Variants in UBOX5 observed in about 807,000 individuals in gnomAD.
UBOX5 encodes the protein RING finger protein 37.
A neutral mutation model predicts 39.0 loss-of-function variants in UBOX5; 28 were observed. That is an observed-to-expected ratio of 0.72 (90% CI 0.53 to 0.98). The LOEUF (loss-of-function observed/expected upper bound fraction) is 0.98. Ranked by LOEUF, UBOX5 falls within the 50% of genes least tolerant of loss-of-function variation. UBOX5 has a pLI of 0.00. For missense variants in UBOX5, 585 were observed against 674.4 expected, an observed-to-expected ratio of 0.87 and a Z score of 1.47; for synonymous variants, 283 against 275.5, an observed-to-expected ratio of 1.03 and a Z score of -0.27.
chr20:3,121,478 TGTGGCAGAA>T lies in UBOX5; in HGVS notation c.1152_1160del (p.Phe384_Thr387delinsLeu). 1 of 1,614,050 alleles carries T rather than the reference TGTGGCAGAA, an allele frequency of 6.2e-7. No homozygotes were observed. The highest frequency in any genetic ancestry group is 8.5e-7 in the Non-Finnish European group (1 of 1,180,020). On this transcript the variant is annotated inframe_deletion, in exon 3 of 5. Coordinates refer to ENST00000217173, the MANE Select transcript of UBOX5 (RefSeq NM_014948.4). ...AGGTAGTGGGTAAGACCAAAGGGCT[TGTGGCAGAA>T]AAACAGGAAGCATTTACACCAAAGT...
At chr20:3,115,737 G>C (rs1439448310) in intron 3 of UBOX5, among the ~76,000 whole-genome samples, 1 of 148,536 alleles carries the variant, frequency 6.7e-6, no homozygotes, top group Non-Finnish European at 1.5e-5. Context: ...TGGCTCAACT[G>C]CAGAACTGCA....
At position 3,109,742 on chromosome 20, in the gene UBOX5, C is replaced by T. The variant is rs917292599; in HGVS notation, c.*364G>A. Reference sequence around the variant, plus strand: ...GCAGAGACTCCTGAGATCTGGGCCACAATCTAGGGTGAGCCACCCACAGTG... The same window carrying T: ...GCAGAGACTCCTGAGATCTGGGCCATAATCTAGGGTGAGCCACCCACAGTG... On this transcript the variant is annotated 3_prime_UTR_variant, in exon 5 of 5. Coordinates refer to ENST00000217173, the MANE Select transcript of UBOX5 (RefSeq NM_014948.4). The T allele has an allele frequency of 1.4e-5, 4 of 291,284 alleles. No individual in the cohort carries two copies. Among genetic ancestry groups the T allele is most frequent in the Non-Finnish European group, 2.7e-5 (4 of 149,492 alleles). The allele number at this position is 291,284 out of a possible 1,614,324, so 18.0% of individuals were successfully genotyped here.
At chr20:3,147,419 T>C in intron 1 of UBOX5, 1 of 1,614,202 alleles carries the variant, frequency 6.2e-7, no homozygotes, top group Non-Finnish European at 8.5e-7. Flanking sequence ...ATTCATATCC[T>C]TCTCTGCTAA....
intron 1 of UBOX5, among the ~76,000 whole-genome samples, chr20:3,128,688 C>G (rs540447322): frequency 6.6e-6 from 1 of 152,028 alleles, no homozygotes; most frequent in Non-Finnish European, 1.5e-5. Context: ...ACAGCAAGAC[C>G]CCGTCTCTAC....
At position 3,121,398 on chromosome 20, in the gene UBOX5, A is replaced by G. The variant is rs2066334263; in HGVS notation, c.1241T>C (p.Met414Thr). ...TGCTGAATTACCTGTCGAGCAGTCC[A>G]TATGTGTCAGGCTGGGCTCATTGGT... Reference protein sequence around the residue: ...KATNEPSLTHMDCSTGPLSHE... With the variant: ...KATNEPSLTHTDCSTGPLSHE... Residue 414 changes from methionine to threonine, a missense_variant, in exon 3 of 5, where the codon ATG (methionine) becomes ACG (threonine). Physicochemically the swap from Met to Thr is moderately conservative, Grantham distance 81. Transcript: ENST00000217173. The G allele has an allele frequency of 5.0e-6, 8 of 1,612,530 alleles. No homozygotes were observed. The highest frequency in any genetic ancestry group is 2.2e-5 in the South Asian group (2 of 90,810).
chr20:3,111,273 C>G (rs2066251869), intron 4 of UBOX5, among the ~76,000 whole-genome samples: 1 of 152,178 alleles, frequency 6.6e-6, no homozygotes, highest in Non-Finnish European at 1.5e-5. Flanking sequence ...CCCAAAGGAA[C>G]CTCAAACCAA....
intron 1 of UBOX5, chr20:3,147,298 C>T (rs2066575123): frequency 6.2e-7 from 1 of 1,614,188 alleles, no homozygotes; most frequent in Non-Finnish European, 8.5e-7. Context: ...CAAGCTGGAC[C>T]TCTAAGTCAG....
At chr20:3,139,407 A>G (rs2066497625) in intron 1 of UBOX5, among the ~76,000 whole-genome samples, 1 of 152,012 alleles carries the variant, frequency 6.6e-6, no homozygotes, top group Admixed American at 6.6e-5. Context: ...TTATTTATTG[A>G]GACAAGAGTT....
Position 3,121,808 on chromosome 20 carries a change from C to T in UBOX5, c.831G>A (p.Leu277=), listed in dbSNP as rs1242598787. The T allele has an allele frequency of 6.2e-7, 1 of 1,614,156 alleles. No individual in the cohort carries two copies. The highest frequency in any genetic ancestry group is 2.2e-5 in the East Asian group (1 of 44,856). The change falls in exon 3 of 5, where the codon CTG becomes CTA. Residue 277 remains leucine, a synonymous_variant. Coordinates refer to ENST00000217173, the MANE Select transcript of UBOX5 (RefSeq NM_014948.4). Reference sequence around the variant, plus strand: ...GGTCGATGACCTTGCCTGAGGGCAGCAGCATGGGACAAGGCATGATCTCCA... The same window carrying T: ...GGTCGATGACCTTGCCTGAGGGCAGTAGCATGGGACAAGGCATGATCTCCA... ...ITLEIMPCPM[L]LPSGKVIDQS...
intron 3 of UBOX5, among the ~76,000 whole-genome samples, chr20:3,118,305 T>G (rs1313853880): frequency 1.3e-5 from 2 of 151,984 alleles, no homozygotes; most frequent in Non-Finnish European, 2.9e-5. Context: ...AAACCCAGTC[T>G]ATACTAAAAA....
chr20:3,125,927 G>A (rs1401322045), intron 1 of UBOX5, among the ~76,000 whole-genome samples: 1 of 152,214 alleles, frequency 6.6e-6, no homozygotes. Context: ...CCCCGTCTGG[G>A]AAGTGAGGAG....
At chr20:3,111,172 T>A (rs1413865704) in intron 4 of UBOX5, among the ~76,000 whole-genome samples, 1 of 152,224 alleles carries the variant, frequency 6.6e-6, no homozygotes, top group Non-Finnish European at 1.5e-5. Flanking sequence ...CTTCCTTTCC[T>A]CATGGCCCCT....
chr20:3,121,505 A>G lies in UBOX5; in HGVS notation c.1134T>C (p.Gly378=). 1 of 1,614,016 alleles carries G rather than the reference A, an allele frequency of 6.2e-7. No individual in the cohort carries two copies. Among genetic ancestry groups the G allele is most frequent in the East Asian group, 2.2e-5 (1 of 44,848 alleles). The change falls in exon 3 of 5, where the codon GGT becomes GGC. Residue 378 remains glycine (G), a synonymous_variant. Coordinates refer to ENST00000217173, the MANE Select transcript of UBOX5 (RefSeq NM_014948.4). ...QAEHVPDSNF[G]VNASCFSATS... is the part of the protein sequence containing the mutation. ...TGGCAGAAAAACAGGAAGCATTTACACCAAAGTTACTGTCTGGGACATGTT... is the reference window on the plus strand; with the variant it reads ...TGGCAGAAAAACAGGAAGCATTTACGCCAAAGTTACTGTCTGGGACATGTT...
At chr20:3,147,220 C>G (rs1310059968) in intron 1 of UBOX5, 3 of 1,614,078 alleles carry the variant, frequency 1.9e-6, no homozygotes, top group Admixed American at 1.7e-5. Flanking sequence ...CATGCTCAAG[C>G]CTTAATTTGG....
At position 3,121,507 on chromosome 20, in the gene UBOX5, C is replaced by T. The variant is rs755803808; in HGVS notation, c.1132G>A (p.Gly378Ser). ...QAEHVPDSNFGVNASCFSATS... is the reference protein window; with the variant it reads ...QAEHVPDSNFSVNASCFSATS... ...GCAGAAAAACAGGAAGCATTTACACCAAAGTTACTGTCTGGGACATGTTCA... is the reference window on the plus strand; with the variant it reads ...GCAGAAAAACAGGAAGCATTTACACTAAAGTTACTGTCTGGGACATGTTCA... Residue 378 changes from glycine (G) to serine (S), a missense_variant, in exon 3 of 5, where the codon GGT (glycine) becomes AGT (serine). Physicochemically the swap from Gly to Ser is moderately conservative, Grantham distance 56. Coordinates refer to ENST00000217173, the MANE Select transcript of UBOX5 (RefSeq NM_014948.4). 5 of 1,613,908 alleles carry T rather than the reference C, an allele frequency of 3.1e-6. No homozygotes were observed. The highest frequency in any genetic ancestry group is 2.2e-5 in the East Asian group (1 of 44,850).
chr20:3,135,933 T>C (rs2148608587), intron 1 of UBOX5: 1 of 152,260 alleles, frequency 6.6e-6, no homozygotes, highest in African/African-American at 2.4e-5. Flanking sequence ...TCCCAACACT[T>C]TGGGAGGCTG....
chr20:3,121,930 C>T lies in UBOX5; in HGVS notation c.709G>A (p.Gly237Arg). The stretch of plus-strand genomic sequence containing the variant: ...GCCTGCTGGCTCTCAGGCTGGTCCC[C>T]AGGGTCACAGTCACTTTCCATGGGC... ...ALPMESDCDP[G>R]DQPESQQAPS... The change falls in exon 3 of 5, where the codon GGG becomes AGG. Residue 237 changes from glycine to arginine, a missense_variant. By Grantham distance (125) the Gly-to-Arg change is moderately radical (BLOSUM62 -2). Coordinates refer to ENST00000217173, the MANE Select transcript of UBOX5 (RefSeq NM_014948.4). The T allele has an allele frequency of 6.2e-7, 1 of 1,613,862 alleles. No homozygotes were observed. The highest frequency in any genetic ancestry group is 8.5e-7 in the Non-Finnish European group (1 of 1,180,030).
In UBOX5 at chr20:3,136,644, T is replaced by C. The variant is rs143540706; in HGVS notation, c.-41-13238A>G. 1.5e-4 allele frequency among the ~76,000 whole-genome samples: 22 copies of C among 150,254 alleles called. No homozygotes were observed. The East Asian group carries it at 3.2e-3, about 22-fold the overall frequency. ...TGCTGGGATTACAGGCGTGAGCCAC[T>C]GTGCCCGGCCTTAATATTACTATTA... On this transcript the variant is annotated intron_variant, in intron 1 of 4. Transcript: ENST00000217173.
chr20:3,120,901 A>T (rs1162118562), intron 3 of UBOX5, among the ~76,000 whole-genome samples: 2 of 152,140 alleles, frequency 1.3e-5, no homozygotes, highest in Non-Finnish European at 2.9e-5. Context: ...CATGCAATAT[A>T]TCCTTGTACC....
Sources: allele counts gnomAD v4.1 joint callset (sites outside exome capture counted in the v4.1 genomes callset), GRCh38; gene constraint gnomAD v4.1.1; transcripts MANE v1.5; gene names NCBI Gene and HGNC (gene_info 2026-07-23, HGNC 2026-07-21).